Variants in KCNK3 observed in about 807,000 individuals in gnomAD.
KCNK3 encodes the protein potassium two pore domain channel subfamily K member 3, also known as potassium channel subfamily K member 3.
Under a neutral mutation model 27.3 loss-of-function variants are expected in KCNK3, and 9 were observed. That is an observed-to-expected ratio of 0.33 (90% CI 0.20 to 0.57). The LOEUF (loss-of-function observed/expected upper bound fraction) is 0.57, where lower values mean the gene tolerates loss of function less well. KCNK3 is among the 20% of genes least tolerant of loss of function. The probability of loss-of-function intolerance (pLI) is 0.87; values close to 1 mark genes in which losing one functional copy is unlikely to be tolerated. For synonymous variants in KCNK3, 278 were observed against 273.8 expected, an observed-to-expected ratio of 1.02 and a Z score of -0.15; for missense variants, 391 against 577.7, an observed-to-expected ratio of 0.68 and a Z score of 3.31.
chr2:26,708,812 C>T (rs1301785954), intron 1 of KCNK3, among the ~76,000 whole-genome samples: 1 of 152,192 alleles, frequency 6.6e-6, no homozygotes, highest in Admixed American at 6.5e-5. Flanking sequence ...CTGCAAAGAT[C>T]GGATGGTGGC....
rs1471329627 is a variant in KCNK3 at position 26,721,398 on chromosome 2, T to C, written c.284-6269T>C. On this transcript the variant is annotated intron_variant, in intron 1 of 1. Coordinates refer to ENST00000302909, the MANE Select transcript of KCNK3 (RefSeq NM_002246.3). The surrounding 1 kb of genome is among the most constrained non-coding windows in gnomAD (Gnocchi z 4.3). ...TCTCCACCAAGCTGCAGCCCCTCCC[T>C]CCTCTCCTCCCCCAAGACCTGGGCA... Among the ~76,000 whole-genome samples, 1 of 151,986 alleles carries C rather than the reference T, an allele frequency of 6.6e-6. No individual in the cohort carries two copies. Among genetic ancestry groups the C allele is most frequent in the African/African-American group, 2.4e-5 (1 of 41,384 alleles).
At chr2:26,704,480 C>A (rs1484064756) in intron 1 of KCNK3, among the ~76,000 whole-genome samples, 3 of 152,218 alleles carry the variant, frequency 2.0e-5, no homozygotes, top group Non-Finnish European at 4.4e-5. Context: ...AATGCACAGG[C>A]CTCTCCTAAC....
Position 26,728,193 on chromosome 2 carries a change from GGGCGGC to G in KCNK3, c.816_821del (p.Gly276_Gly277del). 4 of 1,564,448 alleles carry G rather than the reference GGGCGGC, an allele frequency of 2.6e-6. No individual in the cohort carries two copies. Among genetic ancestry groups the G allele is most frequent in the Non-Finnish European group, 3.5e-6 (4 of 1,154,834 alleles). ...CGCTGCTCACGCGCAACGGGCAGGC[GGGCGGC>G]GGCGGAGGGGGTGGCAGCGCGCACA... On this transcript the variant is annotated inframe_deletion, in exon 2 of 2. Coordinates refer to ENST00000302909, the MANE Select transcript of KCNK3 (RefSeq NM_002246.3).
In KCNK3 at chr2:26,693,163, C is replaced by A. The variant is rs1407972554; in HGVS notation, c.283+5C>A. On this transcript the variant is annotated splice_donor_5th_base_variant and intron_variant, in intron 1 of 1. Transcript: ENST00000302909. This position sits in a 1 kb window ranked among gnomAD's most constrained non-coding sequence, Gnocchi z 5.5. ...TCACCGTCATCACCACCATCGGTAA[C>A]GGCTCGCCGGGCGGGGGGCGGGAAC... 4.0e-6 allele frequency: 6 copies of A among 1,502,132 alleles called. No individual in the cohort carries two copies. The African/African-American group carries it at 4.4e-5, about 11-fold the overall frequency. The allele number at this position is 1,502,132 out of a possible 1,614,324, so 93.1% of individuals were successfully genotyped here. A position where few individuals can be genotyped will look rare whatever the true frequency, so the allele number is the denominator to read the frequency against.
intron 1 of KCNK3, among the ~76,000 whole-genome samples, chr2:26,701,955 A>C (rs1731248): frequency 0.76 from 114,996 of 152,066 alleles, 44,465 homozygotes; most frequent in African/African-American, 0.88. Flanking sequence ...ATCAATCAAT[A>C]AATAAAAACT....
chr2:26,718,545 T>C (rs192777286), intron 1 of KCNK3, among the ~76,000 whole-genome samples: 7 of 152,358 alleles, frequency 4.6e-5, no homozygotes, highest in African/African-American at 1.7e-4. Context: ...AGATAAGCTA[T>C]ATGAGCTTTA....
In KCNK3 at chr2:26,693,236, C is replaced by T; in HGVS notation, c.283+78C>T. The T allele has an allele frequency of 3.2e-5, 10 of 315,424 alleles. No individual in the cohort carries two copies. Among genetic ancestry groups the T allele is most frequent in the South Asian group, 7.7e-5 (2 of 25,886 alleles). 19.5% of individuals were successfully genotyped at this position (315,424 alleles called of 1,614,324 possible). A position where few individuals can be genotyped will look rare whatever the true frequency, so the allele number is the denominator to read the frequency against. ...GGGAGTCGTCCGGGGCCGGCTGGGG[C>T]TGGGGGCGGGGGCTCCCCCGAGAGG... On this transcript the variant is annotated intron_variant, in intron 1 of 1. Transcript: ENST00000302909. The surrounding 1 kb of genome is among the most constrained non-coding windows in gnomAD (Gnocchi z 5.5).
intron 1 of KCNK3, among the ~76,000 whole-genome samples, chr2:26,717,350 C>A (rs1663250429): frequency 6.6e-6 from 1 of 152,154 alleles, no homozygotes; most frequent in Non-Finnish European, 1.5e-5. Context: ...GAGATTGTGG[C>A]AAGGAGATAC....
Position 26,727,671 on chromosome 2 carries a change from C to A in KCNK3, c.288C>A (p.Tyr96Ter), listed in dbSNP as rs747452070. Reference protein sequence around the residue: ...FAITVITTIGYGHAAPSTDGG... With the variant: ...FAITVITTIG ...CTCTTTCCCACTTTCCCCCAGGCTA[C>A]GGGCACGCGGCACCCAGCACGGATG... The change falls in exon 2 of 2, where the codon TAC becomes TAA. Residue 96 changes from tyrosine to a stop codon, truncating the protein, a stop_gained. Transcript: ENST00000302909. LOFTEE classifies it high-confidence loss of function. 2 of 1,513,678 alleles carry A rather than the reference C, an allele frequency of 1.3e-6. No homozygotes were observed. The allele number at this position is 1,513,678 out of a possible 1,614,324, so 93.8% of individuals were successfully genotyped here.
In KCNK3 at chr2:26,733,043, TTC is replaced by T. The variant is rs1257974385; in HGVS notation, c.*4480_*4481del. 6.6e-6 allele frequency: 1 copy of T among 152,340 alleles called. No individual in the cohort carries two copies. Among genetic ancestry groups the T allele is most frequent in the African/African-American group, 2.4e-5 (1 of 41,444 alleles). 9.4% of individuals were successfully genotyped at this position (152,340 alleles called of 1,614,324 possible). A position where few individuals can be genotyped will look rare whatever the true frequency, so the allele number is the denominator to read the frequency against. On this transcript the variant is annotated 3_prime_UTR_variant, in exon 2 of 2. Transcript: ENST00000302909. ...TGCCTGAGGTTCTAGCGTGGGCTCC[TTC>T]TCTCCAGATGATGCCATCCCCACCC...
At chr2:26,698,594 G>A (rs1670263815) in intron 1 of KCNK3, among the ~76,000 whole-genome samples, 1 of 152,160 alleles carries the variant, frequency 6.6e-6, no homozygotes, top group African/African-American at 2.4e-5. Context: ...CCTTACCAAG[G>A]AACTGCTCTG....
chr2:26,708,254 C>A (rs983668627), intron 1 of KCNK3, among the ~76,000 whole-genome samples: 1 of 152,156 alleles, frequency 6.6e-6, no homozygotes, highest in African/African-American at 2.4e-5. Flanking sequence ...AGGCCTCAAG[C>A]AGGCCAGTGC....
intron 1 of KCNK3, among the ~76,000 whole-genome samples, chr2:26,700,973 T>C (rs1415042845): frequency 6.6e-6 from 1 of 152,162 alleles, no homozygotes; most frequent in African/African-American, 2.4e-5. Context: ...CAAACTGTAA[T>C]GTGCAGGGAA....
At chr2:26,702,099 C>T (rs1156668281) in intron 1 of KCNK3, among the ~76,000 whole-genome samples, 2 of 152,224 alleles carry the variant, frequency 1.3e-5, no homozygotes, top group African/African-American at 4.8e-5. Context: ...TCCTGATCCT[C>T]TCTCTCCTTC....
At chr2:26,713,528 C>T (rs190532895) in intron 1 of KCNK3, among the ~76,000 whole-genome samples, 240 of 152,232 alleles carry the variant, frequency 1.6e-3, no homozygotes, top group African/African-American at 5.4e-3. Context: ...GCCTGTAATC[C>T]CAGCACTTTG....
chr2:26,714,032 C>T (rs950604897), intron 1 of KCNK3, among the ~76,000 whole-genome samples: 5 of 150,766 alleles, frequency 3.3e-5, no homozygotes, highest in Admixed American at 2.6e-4. Context: ...GCCGAGATCG[C>T]GCCATTGCAC....
chr2:26,704,795 A>G (rs1044712107), intron 1 of KCNK3, among the ~76,000 whole-genome samples: 10 of 152,222 alleles, frequency 6.6e-5, no homozygotes, highest in African/African-American at 2.4e-4. Context: ...GGACTGTTCC[A>G]CACAGATCTT....
intron 1 of KCNK3, among the ~76,000 whole-genome samples, chr2:26,713,740 G>A (rs1377798499): frequency 6.8e-6 from 1 of 148,108 alleles, no homozygotes; most frequent in East Asian, 2.0e-4. Flanking sequence ...AGCCAAAATC[G>A]TACCACCAGC....
chr2:26,700,589 G>A (rs926301951), intron 1 of KCNK3, among the ~76,000 whole-genome samples: 7 of 152,202 alleles, frequency 4.6e-5, no homozygotes, highest in African/African-American at 1.2e-4. Flanking sequence ...TTCCTCCAGT[G>A]ACACAGCAAA....
Sources: gnomAD v4.1 joint callset for allele counts (sites outside exome capture counted in the v4.1 genomes callset) on GRCh38, gnomAD v4.1.1 for gene constraint, Gnocchi (gnomAD v3.1) non-coding constraint, MANE v1.5 for transcripts, NCBI Gene and HGNC (gene_info 2026-07-23, HGNC 2026-07-21) for gene names.